ZNF586: variants seen among roughly 807,000 people sequenced by gnomAD.
ZNF586 encodes zinc finger protein 586.
Under a neutral mutation model 6.7 loss-of-function variants are expected in ZNF586, and 7 were observed. The observed-to-expected ratio is 1.04, with a 90% CI of 0.59 to 1.95. ZNF586 has a LOEUF of 1.95. Among genes scored for constraint, ZNF586 ranks in the 30% most tolerant of loss-of-function variants. ZNF586 has a pLI of 0.00. For missense variants in ZNF586, 442 were observed against 489.6 expected (o/e 0.90, Z 0.92); for synonymous variants, 166 against 168.7 (o/e 0.98, Z 0.12).
At position 57,769,772 on chromosome 19, in the gene ZNF586, G is replaced by A. The variant is rs1987040156; in HGVS notation, c.-71G>A. 6.7e-7 allele frequency: 1 copy of A among 1,497,220 alleles called. No individual in the cohort carries two copies. The highest frequency in any genetic ancestry group is 9.1e-7 in the Non-Finnish European group (1 of 1,104,774). The allele number at this position is 1,497,220 out of a possible 1,614,324, so 92.7% of individuals were successfully genotyped here. On this transcript the variant is annotated 5_prime_UTR_variant, in exon 1 of 3. Coordinates refer to ENST00000396154, the MANE Select transcript of ZNF586 (RefSeq NM_017652.4). ...GGCGGATCTGAGGTTCGGCGACGCC[G>A]CTGGTCGCGACCCGGGACAGGACAA... is the stretch of plus-strand genomic sequence containing the variant.
intron 1 of ZNF586, among the ~76,000 whole-genome samples, chr19:57,775,288 A>G (rs542650339): frequency 6.6e-6 from 1 of 152,272 alleles, no homozygotes; most frequent in East Asian, 1.9e-4. Context: ...GGCGTGAGCC[A>G]CCGCACCCAA....
In ZNF586 at chr19:57,778,944, A is replaced by G; in HGVS notation, c.357A>G (p.Glu119=). The G allele has an allele frequency of 1.9e-6, 3 of 1,614,174 alleles. No homozygotes were observed. Among genetic ancestry groups the G allele is most frequent in the Non-Finnish European group, 2.5e-6 (3 of 1,180,024 alleles). ...DHKHRNVRTG[E]RPYECSKYGK... ...AACACAGGAATGTTCGCACTGGAGA[A>G]AGGCCTTATGAGTGCAGCAAATATG... Residue 119 remains glutamate, a synonymous_variant, in exon 3 of 3, where the codon GAA becomes GAG. Transcript: ENST00000396154.
In ZNF586 at chr19:57,779,485, A is replaced by C. The variant is rs370871288; in HGVS notation, c.898A>C (p.Ser300Arg). Reference protein sequence around the residue: ...YECSECGKSFSLRSNLIHHQR... With the variant: ...YECSECGKSFRLRSNLIHHQR... ...ATGTAGTGAATGTGGGAAATCCTTT[A>C]GCTTAAGGTCCAACCTCATTCACCA... Residue 300 changes from serine (S) to arginine (R), a missense_variant, in exon 3 of 3, where the codon AGC (serine) becomes CGC (arginine). Coordinates refer to ENST00000396154, the MANE Select transcript of ZNF586 (RefSeq NM_017652.4). The C allele has an allele frequency of 6.2e-7, 1 of 1,614,024 alleles. No homozygotes were observed. The highest frequency in any genetic ancestry group is 8.5e-7 in the Non-Finnish European group (1 of 1,180,024).
At chr19:57,769,947 G>T (rs550842896) in intron 1 of ZNF586, 69 bp downstream of exon 1, 1 of 1,346,142 alleles carries the variant, frequency 7.4e-7, no homozygotes. Flanking sequence ...GATCGTGAGG[G>T]CCGCCTCCTC....
Position 57,777,356 on chromosome 19 carries a change from C to T in ZNF586, c.163+687C>T, listed in dbSNP as rs151252227. Among the ~76,000 whole-genome samples the T allele has an allele frequency of 4.1e-4, 63 of 152,204 alleles. No individual in the cohort carries two copies. The East Asian group carries it at 0.01, about 24-fold the overall frequency. ...ATTATCGAGTTTCCATGTAGTTGCTCATCTTGGTGGTGAAATGAAGAGCCC... is the reference window on the plus strand; with the variant it reads ...ATTATCGAGTTTCCATGTAGTTGCTTATCTTGGTGGTGAAATGAAGAGCCC... On this transcript the variant is annotated intron_variant, in intron 2 of 2. Transcript: ENST00000396154.
In ZNF586 at chr19:57,779,207, A is replaced by C. The variant is rs1206948777; in HGVS notation, c.620A>C (p.Glu207Ala). 2 of 1,613,956 alleles carry C rather than the reference A, an allele frequency of 1.2e-6. No homozygotes were observed. The highest frequency in any genetic ancestry group is 2.7e-5 in the African/African-American group (2 of 74,890). Residue 207 changes from glutamate to alanine, a missense_variant, in exon 3 of 3, where the codon GAA (glutamate) becomes GCA (alanine). Physicochemically the swap from Glu to Ala is moderately radical, Grantham distance 107 (BLOSUM62 -1). Transcript: ENST00000396154. Reference protein sequence around the residue: ...RKVHSGAKRYECNECGKSFAY... With the variant: ...RKVHSGAKRYACNECGKSFAY... ...GTTCACTCTGGAGCAAAGCGTTATGAATGCAATGAATGTGGGAAGTCCTTT... is the reference window on the plus strand; with the variant it reads ...GTTCACTCTGGAGCAAAGCGTTATGCATGCAATGAATGTGGGAAGTCCTTT...
At chr19:57,772,513 A>C (rs1438672601) in intron 1 of ZNF586, among the ~76,000 whole-genome samples, 1 of 125,170 alleles carries the variant, frequency 8.0e-6, no homozygotes. Flanking sequence ...TTTTTTTTTT[A>C]CCTGTCCTTT....
intron 1 of ZNF586, among the ~76,000 whole-genome samples, 168 bp downstream of exon 1, chr19:57,770,046 A>G (rs1402407636): frequency 1.3e-5 from 2 of 152,182 alleles, no homozygotes; most frequent in Non-Finnish European, 2.9e-5. Context: ...TGCGGTCGGC[A>G]GAGCGAGACT....
In ZNF586 at chr19:57,779,706, T is replaced by C. The variant is rs1304663173; in HGVS notation, c.1119T>C (p.Tyr373=). The C allele has an allele frequency of 6.2e-7, 1 of 1,614,140 alleles. No individual in the cohort carries two copies. Among genetic ancestry groups the C allele is most frequent in the South Asian group, 1.1e-5 (1 of 91,086 alleles). The change falls in exon 3 of 3, where the codon TAT becomes TAC. Residue 373 remains tyrosine, a synonymous_variant. Transcript: ENST00000396154. ...HLRVHTGERP[Y]ECIDCGKSFR... ...GAGTTCACACTGGAGAAAGGCCATATGAATGCATTGATTGTGGAAAATCAT... is the reference window on the plus strand; with the variant it reads ...GAGTTCACACTGGAGAAAGGCCATACGAATGCATTGATTGTGGAAAATCAT...
intron 1 of ZNF586, among the ~76,000 whole-genome samples, chr19:57,773,209 G>C (rs73561465): frequency 0.016 from 2,447 of 152,222 alleles, 64 homozygotes; most frequent in African/African-American, 0.056. Context: ...GGTAACTACT[G>C]TGTGGACTGA....
At chr19:57,772,184 G>A in intron 1 of ZNF586, among the ~76,000 whole-genome samples, 1 of 152,100 alleles carries the variant, frequency 6.6e-6, no homozygotes, top group Non-Finnish European at 1.5e-5. Context: ...ACACCCCTGG[G>A]TTTTTTATCT....
chr19:57,771,850 A>G lies in ZNF586; in HGVS notation c.36+1972A>G, dbSNP rs374419474. Among the ~76,000 whole-genome samples, 3 of 151,688 alleles carry G rather than the reference A, an allele frequency of 2.0e-5. No homozygotes were observed. In the South Asian group the frequency reaches 6.3e-4, roughly 32 times the overall value. Reference sequence around the variant, plus strand: ...GTCAATTTTTTTTTTCCCAAGATGGAGTCTGGACCTGTTGCCCAGGCTGGA... The same window carrying G: ...GTCAATTTTTTTTTTCCCAAGATGGGGTCTGGACCTGTTGCCCAGGCTGGA... On this transcript the variant is annotated intron_variant, in intron 1 of 2. Transcript: ENST00000396154.
chr19:57,771,505 C>T (rs1987097215), intron 1 of ZNF586, among the ~76,000 whole-genome samples: 2 of 152,074 alleles, frequency 1.3e-5, no homozygotes, highest in African/African-American at 2.4e-5. Flanking sequence ...CCTCAAACCC[C>T]AAACCTACAT....
rs1263388497 is a variant in ZNF586 at position 57,776,623 on chromosome 19, G to T, written c.117G>T (p.Leu39=). The change falls in exon 2 of 3, where the codon CTG becomes CTT. Residue 39 remains leucine, a synonymous_variant. Transcript: ENST00000396154. ...WSLLNEAQRC[L]YRDVMLETLT... is the part of the protein sequence containing the mutation. ...TTCTTAATGAGGCTCAGAGATGCCTGTACCGTGACGTGATGCTGGAGACCT... is the reference window on the plus strand; with the variant it reads ...TTCTTAATGAGGCTCAGAGATGCCTTTACCGTGACGTGATGCTGGAGACCT... 3 of 1,612,094 alleles carry T rather than the reference G, an allele frequency of 1.9e-6. No homozygotes were observed. Among genetic ancestry groups the T allele is most frequent in the Non-Finnish European group, 1.7e-6 (2 of 1,179,284 alleles).
chr19:57,779,101 C>T lies in ZNF586; in HGVS notation c.514C>T (p.His172Tyr), dbSNP rs1214331937. ...TTCACTCTTGCAGCGTCAGACACTT[C>T]ACACTAGAGAAAGGCCTTATGAGTG... The part of the protein sequence containing the change: ...SSSLLQRQTL[H>Y]TRERPYECIE... The change falls in exon 3 of 3, where the codon CAC becomes TAC. Residue 172 changes from histidine to tyrosine, a missense_variant. Coordinates refer to ENST00000396154, the MANE Select transcript of ZNF586 (RefSeq NM_017652.4). 1.7e-5 allele frequency: 28 copies of T among 1,614,168 alleles called. No individual in the cohort carries two copies. The highest frequency in any genetic ancestry group is 2.4e-5 in the Non-Finnish European group (28 of 1,180,030).
At chr19:57,774,892 C>T in intron 1 of ZNF586, 1 of 263,192 alleles carries the variant, frequency 3.8e-6, no homozygotes, top group Non-Finnish European at 5.9e-6. Flanking sequence ...TCTCCCTCCC[C>T]ACTCTGCTCT....
At chr19:57,774,528 A>G (rs943158423) in intron 1 of ZNF586, among the ~76,000 whole-genome samples, 1 of 135,876 alleles carries the variant, frequency 7.4e-6, no homozygotes, top group Non-Finnish European at 1.6e-5. Flanking sequence ...CATCTCAAAA[A>G]TATAAATAAA....
rs946422174 is a variant in ZNF586, at chr19:57,779,396, C to T, written c.809C>T (p.Ser270Leu). Residue 270 changes from serine to leucine, a missense_variant, in exon 3 of 3, where the codon TCA becomes TTA. Physicochemically the swap from Ser to Leu is moderately radical, Grantham distance 145. Transcript: ENST00000396154. ...RPYECVECGK[S>L]FRRSSSLLQH... is the part of the protein sequence containing the mutation. The stretch of plus-strand genomic sequence containing the variant: ...TATGAATGCGTTGAGTGTGGAAAAT[C>T]ATTTCGCCGAAGCTCTTCACTCTTG... The T allele has an allele frequency of 2.5e-6, 4 of 1,613,180 alleles. No individual in the cohort carries two copies. The highest frequency in any genetic ancestry group is 3.4e-6 in the Non-Finnish European group (4 of 1,179,870).
At chr19:57,773,502 CAA>C (rs1987149167) in intron 1 of ZNF586, among the ~76,000 whole-genome samples, 1 of 148,198 alleles carries the variant, frequency 6.7e-6, no homozygotes, top group African/African-American at 2.5e-5. Flanking sequence ...CTCCTGGGTT[CAA>C]GTGATTCTTC....
Sources: allele counts gnomAD v4.1 joint callset (sites outside exome capture counted in the v4.1 genomes callset), GRCh38; gene constraint gnomAD v4.1.1; transcripts MANE v1.5; gene names NCBI Gene and HGNC (gene_info 2026-07-23, HGNC 2026-07-21).